Variants in NEGR1 observed in about 807,000 individuals in gnomAD.
The protein encoded by NEGR1 is IgLON family member 4.
A neutral mutation model predicts 40.9 loss-of-function variants in NEGR1; 10 were observed. The observed-to-expected ratio is 0.24, with a 90% CI of 0.15 to 0.42. The LOEUF is 0.42. Ranked by LOEUF, NEGR1 falls within the 10% of genes least tolerant of loss-of-function variation. The pLI is 1.00. For missense variants in NEGR1, 352 were observed against 438.9 expected (o/e 0.80, Z 1.77); for synonymous variants, 185 against 166.8 (o/e 1.11, Z -0.84).
intron 1 of NEGR1, among the ~76,000 whole-genome samples, chr1:72,127,712 A>G (rs1650084805): frequency 6.6e-6 from 1 of 152,092 alleles, no homozygotes; most frequent in Non-Finnish European, 1.5e-5. Context: ...GCGCATCTAC[A>G]TCTTTGATAA....
chr1:71,526,882 C>T (rs1257014039), intron 6 of NEGR1, among the ~76,000 whole-genome samples: 1 of 151,486 alleles, frequency 6.6e-6, no homozygotes, highest in Admixed American at 6.6e-5. Flanking sequence ...ACTTTCTCAG[C>T]CTCACTGCAC....
At chr1:71,467,016 GT>G (rs1274150303) in intron 6 of NEGR1, among the ~76,000 whole-genome samples, 1 of 152,028 alleles carries the variant, frequency 6.6e-6, no homozygotes, top group Non-Finnish European at 1.5e-5. Context: ...ATGGATTTTT[GT>G]TTATGTCATG....
At chr1:71,874,089 T>C (rs1023110853) in intron 2 of NEGR1, among the ~76,000 whole-genome samples, 1 of 152,186 alleles carries the variant, frequency 6.6e-6, no homozygotes, top group Admixed American at 6.5e-5. Flanking sequence ...AGTATCCTAA[T>C]AGGTTTGGTG....
At chr1:71,864,091 T>C (rs1452675891) in intron 2 of NEGR1, among the ~76,000 whole-genome samples, 1 of 152,148 alleles carries the variant, frequency 6.6e-6, no homozygotes, top group Non-Finnish European at 1.5e-5. Flanking sequence ...TTATATTTTC[T>C]CCCTTAGAGA....
chr1:72,107,209 T>C (rs908391732), intron 1 of NEGR1, among the ~76,000 whole-genome samples: 11 of 151,780 alleles, frequency 7.2e-5, no homozygotes, highest in African/African-American at 2.4e-4. Flanking sequence ...AATTTCATTA[T>C]GTAAAATTAT....
intron 1 of NEGR1, among the ~76,000 whole-genome samples, chr1:72,267,918 A>G (rs1655702747): frequency 6.6e-6 from 1 of 151,190 alleles, no homozygotes; most frequent in African/African-American, 2.4e-5. Context: ...ACTGATGATA[A>G]ATTTAGAGGA....
intron 6 of NEGR1, among the ~76,000 whole-genome samples, chr1:71,548,597 A>AT (rs1647976900): frequency 6.6e-6 from 1 of 151,660 alleles, no homozygotes; most frequent in Non-Finnish European, 1.5e-5. Context: ...ATGTGTCAAG[A>AT]TGTTGTTGAT....
intron 1 of NEGR1, among the ~76,000 whole-genome samples, chr1:72,125,669 T>C (rs1649988705): frequency 6.6e-6 from 1 of 152,178 alleles, no homozygotes; most frequent in Admixed American, 6.5e-5. Flanking sequence ...CAGCTCACGC[T>C]TATTGTATTC....
chr1:71,767,565 A>G (rs990162404), intron 3 of NEGR1, among the ~76,000 whole-genome samples: 1 of 152,244 alleles, frequency 6.6e-6, no homozygotes, highest in African/African-American at 2.4e-5. Context: ...AGGGAAGCAC[A>G]GCATAAAAGT....
At chr1:71,762,450 A>G (rs551877891) in intron 3 of NEGR1, among the ~76,000 whole-genome samples, 1 of 152,228 alleles carries the variant, frequency 6.6e-6, no homozygotes, top group African/African-American at 2.4e-5. Context: ...AAAATAGGAC[A>G]ATATCTTTAG....
intron 1 of NEGR1, among the ~76,000 whole-genome samples, chr1:71,980,402 T>C (rs747319090): frequency 2.0e-4 from 31 of 152,306 alleles, no homozygotes; most frequent in Middle Eastern, 3.4e-3. Context: ...CAGGATTTAT[T>C]CTAGGCAATA....
rs1450443698 is a variant in NEGR1 at position 71,935,219 on chromosome 1, C to T, written c.269G>A (p.Arg90Gln). Residue 90 changes from arginine to glutamine, a missense_variant, in exon 2 of 7, where the codon CGA becomes CAA. Coordinates refer to ENST00000357731, the MANE Select transcript of NEGR1 (RefSeq NM_173808.3). The stretch of plus-strand genomic sequence containing the variant: ...TTTATTCAATGTTGAAATTGAAACT[C>T]GAGGATCCACTGACCACTTATCACC... ...AGGDKWSVDPRVSISTLNKRD... is the reference protein window; with the variant it reads ...AGGDKWSVDPQVSISTLNKRD... The T allele has an allele frequency of 6.2e-7, 1 of 1,613,752 alleles. No homozygotes were observed.
intron 2 of NEGR1, among the ~76,000 whole-genome samples, chr1:71,882,333 C>G (rs1660604258): frequency 6.6e-6 from 1 of 152,012 alleles, no homozygotes; most frequent in South Asian, 2.1e-4. Context: ...TCAGTATAAA[C>G]GTTGGCAGAA....
At chr1:71,944,998 C>T (rs1646004713) in intron 1 of NEGR1, among the ~76,000 whole-genome samples, 1 of 152,014 alleles carries the variant, frequency 6.6e-6, no homozygotes, top group South Asian at 2.1e-4. Flanking sequence ...TTTTTTTAAA[C>T]AGCTTCCTGT....
chr1:71,450,693 C>G (rs1646620722), intron 6 of NEGR1, among the ~76,000 whole-genome samples: 1 of 151,894 alleles, frequency 6.6e-6, no homozygotes. Flanking sequence ...GCCTGTAATC[C>G]CAGGTACTTG....
At chr1:71,485,516 AATG>A (rs1434874253) in intron 6 of NEGR1, among the ~76,000 whole-genome samples, 4 of 151,582 alleles carry the variant, frequency 2.6e-5, no homozygotes, top group African/African-American at 9.7e-5. Flanking sequence ...ACAAGTGCTT[AATG>A]ATAAGTTTCT....
rs533552772 is a variant in NEGR1, at chr1:72,255,825, A to G, written c.176+26494T>C. ...TGGCCTCCCAAAGTGCTGGGATTAC[A>G]GGCATGAGCCACTATGGCCAGCCAA... On this transcript the variant is annotated intron_variant, in intron 1 of 6. Transcript: ENST00000357731. Among the ~76,000 whole-genome samples, 16 of 152,328 alleles carry G rather than the reference A, an allele frequency of 1.1e-4. No homozygotes were observed. The East Asian group carries it at 3.1e-3, about 29-fold the overall frequency.
intron 1 of NEGR1, among the ~76,000 whole-genome samples, chr1:71,940,880 C>G (rs1294518614): frequency 1.3e-5 from 2 of 152,104 alleles, no homozygotes; most frequent in Admixed American, 1.3e-4. Context: ...CTACTTATAT[C>G]TCAAATTCTT....
At chr1:72,067,779 T>G (rs1647312973) in intron 1 of NEGR1, among the ~76,000 whole-genome samples, 1 of 152,136 alleles carries the variant, frequency 6.6e-6, no homozygotes, top group South Asian at 2.1e-4. Context: ...TTATTTTTCT[T>G]AAGACATAGG....
Sources: allele counts gnomAD v4.1 joint callset (sites outside exome capture counted in the v4.1 genomes callset), GRCh38; gene constraint gnomAD v4.1.1; transcripts MANE v1.5; gene names NCBI Gene and HGNC (gene_info 2026-07-23, HGNC 2026-07-21).